Variants in TENM3 observed in about 807,000 individuals in gnomAD.
The protein encoded by TENM3 is teneurin transmembrane protein 3, also known as teneurin-3.
In TENM3, 63 loss-of-function variants were observed where a neutral mutation model predicts 255.1. The observed-to-expected ratio is 0.25, with a 90% CI of 0.20 to 0.30. The LOEUF (loss-of-function observed/expected upper bound fraction) is 0.30, where lower values mean the gene tolerates loss of function less well. Among genes scored for constraint, TENM3 ranks in the 10% least tolerant of loss-of-function variants. The probability of loss-of-function intolerance (pLI) is 1.00; values close to 1 mark genes in which losing one functional copy is unlikely to be tolerated. For missense variants in TENM3, 2,929 were observed against 3,461.1 expected, an observed-to-expected ratio of 0.85 and a Z score of 3.86; for synonymous variants, 1,306 against 1,322.3, an observed-to-expected ratio of 0.99 and a Z score of 0.27.
At chr4:181,449,132 A>G in the TENM3 span, among the ~76,000 whole-genome samples, 1 of 152,174 alleles carries the variant, frequency 6.6e-6, no homozygotes, top group Admixed American at 6.5e-5. Flanking sequence ...CCATATTTTT[A>G]CACTTTATTT....
the TENM3 span, among the ~76,000 whole-genome samples, chr4:181,633,871 A>G: frequency 1.3e-5 from 2 of 152,230 alleles, no homozygotes; most frequent in Non-Finnish European, 2.9e-5. Flanking sequence ...CTGCAAGGCA[A>G]CAAACTAATG....
the TENM3 span, among the ~76,000 whole-genome samples, chr4:181,900,800 G>T: frequency 6.6e-6 from 1 of 152,156 alleles, no homozygotes; most frequent in African/African-American, 2.4e-5. Context: ...GAGCACAAGA[G>T]CTGCCAGTAG....
At chr4:181,467,573 G>A in the TENM3 span, among the ~76,000 whole-genome samples, 9 of 152,082 alleles carry the variant, frequency 5.9e-5, no homozygotes, top group East Asian at 1.7e-3. Context: ...TAATTAAATA[G>A]AGTAAAAAAT....
the TENM3 span, among the ~76,000 whole-genome samples, chr4:181,732,626 G>A: frequency 4.7e-3 from 715 of 152,166 alleles, 1 homozygote; most frequent in Admixed American, 8.4e-3. Flanking sequence ...TTTGCATAAC[G>A]TTTGCATTTG....
At chr4:182,046,417 A>T in the TENM3 span, among the ~76,000 whole-genome samples, 1,965 of 152,156 alleles carry the variant, frequency 0.013, 50 homozygotes, top group African/African-American at 0.044. Flanking sequence ...CAAATTGTGC[A>T]CTATAAAAGC....
chr4:182,558,183 G>T (rs1310324312), intron 3 of TENM3, among the ~76,000 whole-genome samples: 1 of 152,196 alleles, frequency 6.6e-6, no homozygotes, highest in Non-Finnish European at 1.5e-5. Flanking sequence ...TGCCCTGCCA[G>T]TGCGTGCCTG....
At chr4:181,635,358 G>A in the TENM3 span, among the ~76,000 whole-genome samples, 12,590 of 152,248 alleles carry the variant, frequency 0.083, 714 homozygotes, top group East Asian at 0.18. Context: ...GGGATTGAAA[G>A]ACTAATCAAT....
chr4:181,985,625 G>A, the TENM3 span, among the ~76,000 whole-genome samples: 1 of 151,994 alleles, frequency 6.6e-6, no homozygotes, highest in Non-Finnish European at 1.5e-5. Flanking sequence ...ACCTCACTTT[G>A]GATAATAGAT....
At chr4:181,475,020 A>G in the TENM3 span, among the ~76,000 whole-genome samples, 1 of 152,200 alleles carries the variant, frequency 6.6e-6, no homozygotes, top group Non-Finnish European at 1.5e-5. Context: ...TCCTCAAAAG[A>G]CAGAAAGAAG....
At chr4:182,670,459 G>A (rs1184573121) in intron 6 of TENM3, among the ~76,000 whole-genome samples, 2 of 152,166 alleles carry the variant, frequency 1.3e-5, no homozygotes, top group East Asian at 1.9e-4. Flanking sequence ...CTGGGTTATT[G>A]CAGCTGTGTC....
At chr4:182,406,387 A>G (rs981821669) in intron 3 of TENM3, among the ~76,000 whole-genome samples, 7 of 152,220 alleles carry the variant, frequency 4.6e-5, no homozygotes, top group Admixed American at 4.6e-4. Context: ...ATTTGTGACA[A>G]TAGAGATTAG....
chr4:182,745,906 T>G (rs1414749011), intron 19 of TENM3, among the ~76,000 whole-genome samples: 1 of 152,192 alleles, frequency 6.6e-6, no homozygotes, highest in Admixed American at 6.5e-5. Flanking sequence ...GCAGTGATAC[T>G]ATTGTAATCC....
the TENM3 span, among the ~76,000 whole-genome samples, chr4:181,664,485 AC>A: frequency 3.3e-3 from 414 of 125,518 alleles, no homozygotes; most frequent in Middle Eastern, 8.1e-3. Flanking sequence ...ATAAAAAAAA[AC>A]AAAACAAAAA....
chr4:182,545,388 A>G (rs1326754353), intron 3 of TENM3, among the ~76,000 whole-genome samples: 1 of 151,758 alleles, frequency 6.6e-6, no homozygotes, highest in Non-Finnish European at 1.5e-5. Context: ...CACTACAACC[A>G]CCCAGGTCTA....
At chr4:181,799,634 C>A in the TENM3 span, among the ~76,000 whole-genome samples, 114 of 152,304 alleles carry the variant, frequency 7.5e-4, no homozygotes, top group Non-Finnish European at 1.4e-3. Flanking sequence ...AACGCTGACA[C>A]AGCTATTCAA....
intron 3 of TENM3, among the ~76,000 whole-genome samples, chr4:182,388,487 T>C (rs1258595028): frequency 6.6e-6 from 1 of 152,242 alleles, no homozygotes; most frequent in African/African-American, 2.4e-5. Context: ...GCTTGAGTAC[T>C]AACCACATTT....
intron 1 of TENM3, among the ~76,000 whole-genome samples, chr4:182,251,335 G>T (rs981652942): frequency 6.6e-6 from 1 of 152,018 alleles, no homozygotes; most frequent in African/African-American, 2.4e-5. Flanking sequence ...AGGCATTGTG[G>T]CATGTGCCCG....
At chr4:181,824,318 C>A in the TENM3 span, among the ~76,000 whole-genome samples, 1 of 151,554 alleles carries the variant, frequency 6.6e-6, no homozygotes, top group East Asian at 2.0e-4. Context: ...CCAGGCTGGC[C>A]TCCAACTCCT....
chr4:182,673,319 G>A (rs1189622021), intron 7 of TENM3, 100 bp downstream of exon 7: 4 of 799,550 alleles, frequency 5.0e-6, no homozygotes, highest in Middle Eastern at 3.7e-4. Flanking sequence ...ACTGTTTGAC[G>A]ACTTTTGAAT....
Sources: gnomAD v4.1 joint callset for allele counts (sites outside exome capture counted in the v4.1 genomes callset) on GRCh38, gnomAD v4.1.1 for gene constraint, MANE v1.5 for transcripts, NCBI Gene and HGNC (gene_info 2026-07-23, HGNC 2026-07-21) for gene names.